HIP1R: variants seen among roughly 807,000 people sequenced by gnomAD.
The protein encoded by HIP1R is huntingtin interacting protein 1 related, also known as huntingtin-interacting protein 1-related protein.
A neutral mutation model predicts 144.2 loss-of-function variants in HIP1R; 135 were observed. That is an observed-to-expected ratio of 0.94 (90% CI 0.81 to 1.08). The LOEUF is 1.08. Among genes scored for constraint, HIP1R ranks in the 50% least tolerant of loss-of-function variants. The pLI, the probability that HIP1R is intolerant of heterozygous loss-of-function variation, is 0.00. For missense variants in HIP1R, 1,462 were observed against 1,432.8 expected, an observed-to-expected ratio of 1.02 and a Z score of -0.33; for synonymous variants, 698 against 612.8, an observed-to-expected ratio of 1.14 and a Z score of -2.05.
intron 28 of HIP1R, 31 bp downstream of exon 28, chr12:122,860,815 G>A (rs1440253753): frequency 6.2e-7 from 1 of 1,605,576 alleles, no homozygotes; most frequent in East Asian, 2.2e-5. Flanking sequence ...CAGCACACTG[G>A]GCTCTGGGCC....
In HIP1R at chr12:122,836,003, C is replaced by T. The variant is rs2032883408; in HGVS notation, c.93+360C>T. ...GGAGATGGGGCCGGGGTTGGGTGTG[C>T]GCGAGCCCAGCGCGCCGGGGGTCGA... On this transcript the variant is annotated intron_variant, in intron 1 of 31. Transcript: ENST00000253083. The surrounding 1 kb of genome is among the most constrained non-coding windows in gnomAD (Gnocchi z 4.1). Among the ~76,000 whole-genome samples the T allele has an allele frequency of 6.6e-6, 1 of 151,286 alleles. No individual in the cohort carries two copies. The highest frequency in any genetic ancestry group is 1.5e-5 in the Non-Finnish European group (1 of 67,742).
intron 24 of HIP1R, 41 bp downstream of exon 24, chr12:122,859,871 G>C (rs1382804746): frequency 1.3e-6 from 2 of 1,585,256 alleles, no homozygotes; most frequent in South Asian, 2.2e-5. Flanking sequence ...GCCGAGGTGG[G>C]CTCCCCGTGG....
At chr12:122,849,225 C>T (rs2033302637) in intron 4 of HIP1R, among the ~76,000 whole-genome samples, 1 of 152,274 alleles carries the variant, frequency 6.6e-6, no homozygotes, top group Non-Finnish European at 1.5e-5. Context: ...ATTTTGAGCA[C>T]ACACACAGTA....
rs750750674 is a variant in HIP1R, at chr12:122,858,945, C to T, written c.2158C>T (p.Arg720Cys). Residue 720 changes from arginine to cysteine, a missense_variant and splice_region_variant, in exon 21 of 32, where the codon CGC becomes TGC. Physicochemically the swap from Arg to Cys is radical, Grantham distance 180 (BLOSUM62 -3). This residue lies in a region of HIP1R where 1,112 missense variants were observed against 1,011.7 expected (regional missense o/e 1.10). Coordinates refer to ENST00000253083, the MANE Select transcript of HIP1R (RefSeq NM_003959.3). ...CCTGGCTCCCACCGACCCTGCCGACCGTAAGTGGGTCCTGGGATGGCAGGT... is the reference window on the plus strand; with the variant it reads ...CCTGGCTCCCACCGACCCTGCCGACTGTAAGTGGGTCCTGGGATGGCAGGT... ...SHLAPTDPAD[R>C]LIDTCRECGA... 15 of 1,612,576 alleles carry T rather than the reference C, an allele frequency of 9.3e-6. No individual in the cohort carries two copies. Among genetic ancestry groups the T allele is most frequent in the South Asian group, 3.3e-5 (3 of 91,084 alleles).
chr12:122,851,011 G>A, intron 6 of HIP1R, 100 bp downstream of exon 6: 1 of 1,080,750 alleles, frequency 9.3e-7, no homozygotes, highest in Non-Finnish European at 1.4e-6. Flanking sequence ...CAGTGGGGTT[G>A]AATGAGTCCG....
At position 122,862,375 on chromosome 12, in the gene HIP1R, A is replaced by C. The variant is rs531622440; in HGVS notation, c.*622A>C. ...ATGGGAGCCCCCCAGGAGGGGTCAGATGCTGGAAGGGGCCGCTTTCTGGGG... is the reference window on the plus strand; with the variant it reads ...ATGGGAGCCCCCCAGGAGGGGTCAGCTGCTGGAAGGGGCCGCTTTCTGGGG... On this transcript the variant is annotated 3_prime_UTR_variant, in exon 32 of 32. Transcript: ENST00000253083. The C allele has an allele frequency of 1.3e-5, 2 of 152,524 alleles. No individual in the cohort carries two copies. Among genetic ancestry groups the C allele is most frequent in the East Asian group, 3.9e-4 (2 of 5,184 alleles). 9.4% of individuals were successfully genotyped at this position (152,524 alleles called of 1,614,324 possible).
rs778883457 is a variant in HIP1R at position 122,855,554 on chromosome 12, G to A, written c.997G>A (p.Val333Met). The part of the protein sequence containing the change: ...TGPPAGEPVV[V>M]ADLFDQTFGP... ...TCACCATGCTTTGCTGTGGCAGGTG[G>A]TGGCTGACCTCTTCGATCAGACGTT... Residue 333 changes from valine (V) to methionine (M), a missense_variant, in exon 12 of 32, where the codon GTG becomes ATG. Around this residue, in one of 2 missense-constraint regions of HIP1R, gnomAD observed 1,112 missense variants for 1,011.7 expected, o/e 1.10. Transcript: ENST00000253083. 6.5e-6 allele frequency: 10 copies of A among 1,549,424 alleles called. No homozygotes were observed. The South Asian group carries it at 1.1e-4, about 17-fold the overall frequency.
intron 7 of HIP1R, 187 bp from the exon 8 acceptor site, chr12:122,853,856 C>T (rs541149914): frequency 5.1e-6 from 3 of 589,870 alleles, no homozygotes; most frequent in East Asian, 6.2e-5. Flanking sequence ...TTGCCGTTGA[C>T]CTCCTTCATG....
In HIP1R at chr12:122,848,791, T is replaced by C. The variant is rs1356419575; in HGVS notation, c.301-5T>C. On this transcript the variant is annotated splice_region_variant and splice_polypyrimidine_tract_variant and intron_variant, in intron 3 of 31. Transcript: ENST00000253083. The stretch of plus-strand genomic sequence containing the variant: ...TCCCCCACTCCCGTATTCCCTGCGC[T>C]GCAGGTGCTGCATGACTGCCAGCGG... The C allele has an allele frequency of 1.9e-6, 3 of 1,613,220 alleles. No individual in the cohort carries two copies. Among genetic ancestry groups the C allele is most frequent in the African/African-American group, 1.3e-5 (1 of 75,082 alleles).
At chr12:122,847,135 A>G (rs2033231442) in intron 1 of HIP1R, among the ~76,000 whole-genome samples, 2 of 150,450 alleles carry the variant, frequency 1.3e-5, no homozygotes, top group South Asian at 4.2e-4. Context: ...CAGGTCACAA[A>G]CATTGGTGGT....
chr12:122,850,027 T>G (rs773451715), intron 5 of HIP1R, 72 bp downstream of exon 5: 2 of 1,014,096 alleles, frequency 2.0e-6, no homozygotes, highest in Non-Finnish European at 1.6e-6. Flanking sequence ...ATGGCACATG[T>G]TGGGACATCG....
chr12:122,842,172 G>A (rs1465731024), intron 1 of HIP1R, among the ~76,000 whole-genome samples: 1 of 152,164 alleles, frequency 6.6e-6, no homozygotes, highest in Non-Finnish European at 1.5e-5. Context: ...CTTTGGAAAT[G>A]TTAAAGCAAA....
At chr12:122,843,716 C>T (rs926693868) in intron 1 of HIP1R, among the ~76,000 whole-genome samples, 6 of 152,310 alleles carry the variant, frequency 3.9e-5, no homozygotes, top group South Asian at 2.1e-4. Context: ...GAGGATTTTT[C>T]GAGACCCGAA....
At chr12:122,850,944 C>A in intron 6 of HIP1R, 33 bp downstream of exon 6, 2 of 1,573,292 alleles carry the variant, frequency 1.3e-6, no homozygotes, top group Admixed American at 1.7e-5. Context: ...ATAGCCAGTT[C>A]CCCTCGGCTT....
chr12:122,856,515 G>A lies in HIP1R; in HGVS notation c.1485G>A (p.Gln495=). ...VARVKEQLAF[Q]VEQVKRESEL... is the part of the protein sequence containing the mutation. ...GGGTGAAGGAGCAGCTGGCCTTCCAGGTGGAGCAGGTGAAGCGGGAGTCGG... is the reference window on the plus strand; with the variant it reads ...GGGTGAAGGAGCAGCTGGCCTTCCAAGTGGAGCAGGTGAAGCGGGAGTCGG... Residue 495 remains glutamine (Q), a synonymous_variant, in exon 16 of 32, where the codon CAG becomes CAA. Coordinates refer to ENST00000253083, the MANE Select transcript of HIP1R (RefSeq NM_003959.3). The A allele has an allele frequency of 6.3e-7, 1 of 1,597,776 alleles. No individual in the cohort carries two copies. The highest frequency in any genetic ancestry group is 8.5e-7 in the Non-Finnish European group (1 of 1,171,796).
intron 1 of HIP1R, among the ~76,000 whole-genome samples, chr12:122,839,890 C>T (rs779707782): frequency 6.6e-6 from 1 of 152,246 alleles, no homozygotes; most frequent in African/African-American, 2.4e-5. Context: ...ATACTCACAG[C>T]CCGCACCGGC....
rs2135675353 is a variant in HIP1R at position 122,858,863 on chromosome 12, G to C, written c.2076G>C (p.Leu692=). Residue 692 remains leucine (L), a synonymous_variant, in exon 21 of 32, where the codon CTG becomes CTC. Transcript: ENST00000253083. The part of the protein sequence containing the change: ...LADASALVAA[L]TRFSHLAADT... ...ACGCCTCCGCCCTGGTGGCAGCTCT[G>C]ACCCGCTTCTCCCACCTGGCTGCGG... 4 of 1,613,212 alleles carry C rather than the reference G, an allele frequency of 2.5e-6. No individual in the cohort carries two copies. The East Asian group carries it at 8.9e-5, about 36-fold the overall frequency.
chr12:122,844,830 C>T (rs1593864276), intron 1 of HIP1R, among the ~76,000 whole-genome samples: 2 of 152,356 alleles, frequency 1.3e-5, no homozygotes, highest in African/African-American at 4.8e-5. Context: ...AGCTGACCAG[C>T]CAGCCTCTGG....
chr12:122,851,062 G>A lies in HIP1R; in HGVS notation c.515+151G>A, dbSNP rs949428408. On this transcript the variant is annotated intron_variant, in intron 6 of 31. Coordinates refer to ENST00000253083, the MANE Select transcript of HIP1R (RefSeq NM_003959.3). ...ATGCTCACGCTCCCAGGGACAGAGG[G>A]TGAAGTTAAAAGGGTGGGGTGTACT... 8.3e-5 allele frequency: 73 copies of A among 880,612 alleles called. No individual in the cohort carries two copies. The African/African-American group carries it at 1.2e-3, about 14-fold the overall frequency. The allele number at this position is 880,612 out of a possible 1,614,324, so 54.5% of individuals were successfully genotyped here. A position where few individuals can be genotyped will look rare whatever the true frequency, so the allele number is the denominator to read the frequency against.
Sources: gnomAD v4.1 joint callset for allele counts (sites outside exome capture counted in the v4.1 genomes callset) on GRCh38, gnomAD v4.1.1 for gene constraint, gnomAD v4.1.1 regional missense constraint, Gnocchi (gnomAD v3.1) non-coding constraint, MANE v1.5 for transcripts, NCBI Gene and HGNC (gene_info 2026-07-23, HGNC 2026-07-21) for gene names.